The following DNAAF9 variants were observed in gnomAD, a reference collection of about 807,000 sequenced individuals.
The protein encoded by DNAAF9 is shulin.
Under a neutral mutation model 167.0 loss-of-function variants are expected in DNAAF9, and 90 were observed. The observed-to-expected ratio is 0.54, with a 90% CI of 0.45 to 0.64. DNAAF9 has a LOEUF of 0.64. Ranked by LOEUF, DNAAF9 falls within the 30% of genes least tolerant of loss-of-function variation. The pLI is 0.00. For missense variants in DNAAF9, 1,315 were observed against 1,442.2 expected (o/e 0.91, Z 1.43); for synonymous variants, 491 against 508.8 (o/e 0.96, Z 0.47).
chr20:3,359,590 G>T lies in DNAAF9; in HGVS notation c.616C>A (p.Gln206Lys). 6.2e-7 allele frequency: 1 copy of T among 1,607,984 alleles called. No individual in the cohort carries two copies. Among genetic ancestry groups the T allele is most frequent in the South Asian group, 1.1e-5 (1 of 90,502 alleles). Reference protein sequence around the residue: ...DGFFTMKYELQDVSLNLWNVY... With the variant: ...DGFFTMKYELKDVSLNLWNVY... ...TTCCATAGATTCAAACTCACATCCTGCAACTGCAACAGAGGGCAAAAACAT... is the reference window on the plus strand; with the variant it reads ...TTCCATAGATTCAAACTCACATCCTTCAACTGCAACAGAGGGCAAAAACAT... The change falls in exon 7 of 37, where the codon CAG becomes AAG. Residue 206 changes from glutamine (Q) to lysine (K), a missense_variant. Coordinates refer to ENST00000252032, the MANE Select transcript of DNAAF9 (RefSeq NM_001009984.3).
intron 25 of DNAAF9, among the ~76,000 whole-genome samples, chr20:3,291,679 G>A (rs1339199022): frequency 6.6e-6 from 1 of 152,092 alleles, no homozygotes; most frequent in Non-Finnish European, 1.5e-5. Flanking sequence ...GACTCACTGG[G>A]ACAGGCCCAG....
intron 31 of DNAAF9, among the ~76,000 whole-genome samples, chr20:3,261,007 G>A (rs1275880564): frequency 6.6e-6 from 1 of 152,012 alleles, no homozygotes; most frequent in Non-Finnish European, 1.5e-5. Context: ...TGTACATATA[G>A]ATGTGTACAC....
chr20:3,332,341 T>A lies in DNAAF9; in HGVS notation c.1002A>T (p.Pro334=), dbSNP rs1300767390. The A allele has an allele frequency of 2.5e-6, 4 of 1,605,072 alleles. No individual in the cohort carries two copies. In the East Asian group the frequency reaches 8.9e-5, roughly 36 times the overall value. The change falls in exon 11 of 37, where the codon CCA becomes CCT. Residue 334 remains proline (P), a synonymous_variant. Transcript: ENST00000252032. ...TTCTCGAACAAGCAAGAGGTCCCTT[T>A]GGTGAGACACACTGGGCTACCTGGA... ...AKHMVAQCVS[P]KGPLACSRTY...
At chr20:3,330,514 T>C (rs1411374078) in intron 12 of DNAAF9, 132 bp downstream of exon 12, 1 of 651,188 alleles carries the variant, frequency 1.5e-6, no homozygotes, top group Non-Finnish European at 2.7e-6. Flanking sequence ...AATGTTGGGA[T>C]TACAGTGTGC....
At chr20:3,261,368 A>T (rs112705534) in intron 31 of DNAAF9, among the ~76,000 whole-genome samples, 1,666 of 150,812 alleles carry the variant, frequency 0.011, 31 homozygotes, top group African/African-American at 0.038. Context: ...TTAATTAATT[A>T]ATTTTATTTT....
intron 30 of DNAAF9, among the ~76,000 whole-genome samples, chr20:3,267,485 G>A (rs897233324): frequency 6.7e-6 from 1 of 148,170 alleles, no homozygotes; most frequent in Non-Finnish European, 1.5e-5. Context: ...TGCTGCAACT[G>A]TGGTATTACT....
chr20:3,344,630 C>G (rs2070158207), intron 8 of DNAAF9, among the ~76,000 whole-genome samples: 1 of 129,842 alleles, frequency 7.7e-6, no homozygotes, highest in African/African-American at 3.1e-5. Flanking sequence ...CACACACACA[C>G]ACACACACAC....
intron 27 of DNAAF9, among the ~76,000 whole-genome samples, chr20:3,282,652 G>A (rs1290995359): frequency 1.3e-5 from 2 of 152,114 alleles, no homozygotes; most frequent in Non-Finnish European, 2.9e-5. Flanking sequence ...ACCCCCTATG[G>A]AGCAGCAAAG....
intron 13 of DNAAF9, 39 bp from the exon 14 acceptor site, chr20:3,325,007 C>A: frequency 2.5e-6 from 3 of 1,182,400 alleles, no homozygotes; most frequent in Non-Finnish European, 3.8e-6. Context: ...GCTTTCACAG[C>A]AGGAAAAAGT....
chr20:3,291,961 C>T (rs915552286), intron 25 of DNAAF9, among the ~76,000 whole-genome samples: 1 of 152,030 alleles, frequency 6.6e-6, no homozygotes, highest in Non-Finnish European at 1.5e-5. Context: ...CATGTACATA[C>T]AGCCAGACAT....
chr20:3,313,854 G>A (rs1300883765), intron 20 of DNAAF9, among the ~76,000 whole-genome samples: 2 of 152,112 alleles, frequency 1.3e-5, no homozygotes, highest in Non-Finnish European at 2.9e-5. Flanking sequence ...GTGGAGCCAT[G>A]AGCCCAGAGC....
intron 36 of DNAAF9, among the ~76,000 whole-genome samples, chr20:3,253,333 C>G (rs1012756486): frequency 1.3e-5 from 2 of 152,064 alleles, no homozygotes; most frequent in African/African-American, 4.8e-5. Flanking sequence ...CCCAGCTACT[C>G]GGGAGGCTGA....
intron 7 of DNAAF9, among the ~76,000 whole-genome samples, chr20:3,353,633 A>ACC (rs756039826): frequency 2.9e-5 from 2 of 68,830 alleles, no homozygotes; most frequent in Non-Finnish European, 6.2e-5. Context: ...GTCCCCCCGC[A>ACC]CCACCCCCCC....
chr20:3,279,081 G>A (rs1399843858), intron 28 of DNAAF9, 132 bp from the exon 29 acceptor site: 5 of 687,142 alleles, frequency 7.3e-6, no homozygotes, highest in African/African-American at 1.8e-5. Context: ...CAGCAGCACT[G>A]AGCACTAAGG....
intron 1 of DNAAF9, among the ~76,000 whole-genome samples, chr20:3,388,325 T>C (rs1386008695): frequency 1.3e-5 from 2 of 152,204 alleles, no homozygotes; most frequent in African/African-American, 2.4e-5. Flanking sequence ...GCAACCACTA[T>C]GGAAAACAGT....
At chr20:3,368,935 C>A (rs1432872313) in intron 6 of DNAAF9, among the ~76,000 whole-genome samples, 1 of 145,500 alleles carries the variant, frequency 6.9e-6, no homozygotes, top group Non-Finnish European at 1.5e-5. Flanking sequence ...AGTTTGGGAC[C>A]ACCCTGGCCA....
rs190111160 is a variant in DNAAF9, at chr20:3,297,460, G to A, written c.1930-511C>T. ...CTATGGTCTGCGAATCTGACCTGAG[G>A]GAGGAACACTGTCCCCTCACAAGCT... is the stretch of plus-strand genomic sequence containing the variant. On this transcript the variant is annotated intron_variant, in intron 22 of 36. Transcript: ENST00000252032. Among the ~76,000 whole-genome samples the A allele has an allele frequency of 3.1e-3, 472 of 152,290 alleles. 1 individual carries two copies. The highest frequency in any genetic ancestry group is 5.2e-3 in the Non-Finnish European group (354 of 68,022).
Position 3,396,791 on chromosome 20 carries a change from G to T in DNAAF9, c.83+10684C>A, listed in dbSNP as rs143330170. Among the ~76,000 whole-genome samples, 103 of 152,280 alleles carry T rather than the reference G, an allele frequency of 6.8e-4. 1 individual carries two copies. In the East Asian group the frequency reaches 0.019, roughly 28 times the overall value. Reference sequence around the variant, plus strand: ...AAAAAAAAACTATGTGTGTAGGGGGGAAGATTAGTTAAGGTCTAGTACTTG... The same window carrying T: ...AAAAAAAAACTATGTGTGTAGGGGGTAAGATTAGTTAAGGTCTAGTACTTG... On this transcript the variant is annotated intron_variant, in intron 1 of 36. Transcript: ENST00000252032.
At chr20:3,320,684 A>C (rs185452599) in intron 16 of DNAAF9, among the ~76,000 whole-genome samples, 27 of 152,370 alleles carry the variant, frequency 1.8e-4, no homozygotes, top group African/African-American at 6.5e-4. Flanking sequence ...GAACATTATA[A>C]AAACATAAAT....
Sources: allele counts gnomAD v4.1 joint callset (sites outside exome capture counted in the v4.1 genomes callset), GRCh38; gene constraint gnomAD v4.1.1; transcripts MANE v1.5; gene names NCBI Gene and HGNC (gene_info 2026-07-23, HGNC 2026-07-21).